Variants in MYO7A observed in about 807,000 individuals in gnomAD.
MYO7A encodes unconventional myosin-VIIa.
Under a neutral mutation model 263.8 loss-of-function variants are expected in MYO7A, and 210 were observed. That is an observed-to-expected ratio of 0.80 (90% CI 0.71 to 0.89). The LOEUF (loss-of-function observed/expected upper bound fraction) is 0.89. Among genes scored for constraint, MYO7A ranks in the 40% least tolerant of loss-of-function variants. MYO7A has a pLI of 0.00. For synonymous variants in MYO7A, 1,239 were observed against 1,197.3 expected, an observed-to-expected ratio of 1.03 and a Z score of -0.72; for missense variants, 2,820 against 2,968.3, an observed-to-expected ratio of 0.95 and a Z score of 1.16.
chr11:77,158,005 C>T (rs1952657976), intron 8 of MYO7A, among the ~76,000 whole-genome samples: 1 of 152,172 alleles, frequency 6.6e-6, no homozygotes, highest in Admixed American at 6.5e-5. Context: ...CAGGGGCTGG[C>T]CTGGCATCAG....
chr11:77,136,232 G>A (rs558728820), intron 2 of MYO7A, among the ~76,000 whole-genome samples: 17 of 151,978 alleles, frequency 1.1e-4, no homozygotes, highest in Non-Finnish European at 1.8e-4. Flanking sequence ...CCCTCTGGCC[G>A]CCGTGGTTTC....
chr11:77,197,675 C>T lies in MYO7A; in HGVS notation c.4441+77C>T, dbSNP rs557620157. On this transcript the variant is annotated intron_variant, in intron 33 of 48. Transcript: ENST00000409709. ...ACAGCCTACAAATTCTCAGGTACCC[C>T]GCAGCCTGCAATGCTCCCAGTCCCT... 6.4e-5 allele frequency: 63 copies of T among 985,514 alleles called. 1 individual carries two copies. The highest frequency in any genetic ancestry group is 9.4e-5 in the Non-Finnish European group (60 of 638,774). 61.0% of individuals were successfully genotyped at this position (985,514 alleles called of 1,614,324 possible). A position where few individuals can be genotyped will look rare whatever the true frequency, so the allele number is the denominator to read the frequency against.
intron 32 of MYO7A, among the ~76,000 whole-genome samples, chr11:77,196,379 A>C (rs912145979): frequency 6.6e-6 from 1 of 151,838 alleles, no homozygotes; most frequent in Non-Finnish European, 1.5e-5. Flanking sequence ...AAAAAAAAAA[A>C]AGGAGCTTAT....
intron 32 of MYO7A, 70 bp from the exon 33 acceptor site, chr11:77,197,411 C>T: frequency 1.6e-6 from 2 of 1,229,394 alleles, no homozygotes; most frequent in Admixed American, 2.1e-5. Context: ...TAGAAGGCAG[C>T]AGCAGCTGAT....
At chr11:77,148,217 C>T (rs753040220) in intron 4 of MYO7A, among the ~76,000 whole-genome samples, 11 of 152,234 alleles carry the variant, frequency 7.2e-5, no homozygotes, top group Non-Finnish European at 1.6e-4. Flanking sequence ...TTTCATGTGC[C>T]TCTCTAGGCC....
rs1339514621 is a variant in MYO7A at position 77,179,066 on chromosome 11, G to A, written c.2304G>A (p.Lys768=). 1.2e-6 allele frequency: 2 copies of A among 1,608,340 alleles called. No individual in the cohort carries two copies. The highest frequency in any genetic ancestry group is 1.7e-6 in the Non-Finnish European group (2 of 1,178,036). The change falls in exon 20 of 49, where the codon AAG becomes AAA. Residue 768 remains lysine, a synonymous_variant. Transcript: ENST00000409709. ...FKDRSNFLKL[K]NAATLIQRHW... is the part of the protein sequence containing the mutation. Reference sequence around the variant, plus strand: ...TCAGGTCTAACTTTCTGAAGCTGAAGAACGCTGCCACACTGATCCAGAGGC... The same window carrying A: ...TCAGGTCTAACTTTCTGAAGCTGAAAAACGCTGCCACACTGATCCAGAGGC...
At position 77,175,317 on chromosome 11, in the gene MYO7A, G is replaced by A; in HGVS notation, c.2095-55G>A. 3 of 1,531,598 alleles carry A rather than the reference G, an allele frequency of 2.0e-6. No individual in the cohort carries two copies. In the South Asian group the frequency reaches 3.4e-5, roughly 17 times the overall value. The allele number at this position is 1,531,598 out of a possible 1,614,324, so 94.9% of individuals were successfully genotyped here. A position where few individuals can be genotyped will look rare whatever the true frequency, so the allele number is the denominator to read the frequency against. On this transcript the variant is annotated intron_variant, in intron 17 of 48. Transcript: ENST00000409709. Reference sequence around the variant, plus strand: ...CTCTCAGCCTCGGGGACACTCCGGAGGCCTTCCCACTGGAGAGGCTGTCCA... The same window carrying A: ...CTCTCAGCCTCGGGGACACTCCGGAAGCCTTCCCACTGGAGAGGCTGTCCA...
intron 3 of MYO7A, 134 bp from the exon 4 acceptor site, chr11:77,147,664 G>T: frequency 8.8e-7 from 1 of 1,140,374 alleles, no homozygotes. Context: ...AACTGACAGT[G>T]TCTGGCTGCC....
intron 2 of MYO7A, among the ~76,000 whole-genome samples, chr11:77,141,634 G>A (rs1307507337): frequency 1.3e-5 from 2 of 152,118 alleles, no homozygotes; most frequent in Admixed American, 6.5e-5. Flanking sequence ...GCTCCCTCTC[G>A]CCCATCAGGT....
At chr11:77,149,298 G>A (rs1263844527) in intron 4 of MYO7A, among the ~76,000 whole-genome samples, 9 of 152,198 alleles carry the variant, frequency 5.9e-5, no homozygotes, top group African/African-American at 2.2e-4. Context: ...CTGGTACTAG[G>A]GGCATTACTG....
In MYO7A at chr11:77,208,509, T is replaced by C; in HGVS notation, c.5936T>C (p.Ile1979Thr). 1 of 1,612,880 alleles carries C rather than the reference T, an allele frequency of 6.2e-7. No homozygotes were observed. The highest frequency in any genetic ancestry group is 1.3e-5 in the African/African-American group (1 of 75,022). Residue 1979 changes from isoleucine (I) to threonine (T), a missense_variant, in exon 43 of 49, where the codon ATC (isoleucine) becomes ACC (threonine). Coordinates refer to ENST00000409709, the MANE Select transcript of MYO7A (RefSeq NM_000260.4). ...GACTGGATAAAGAAAGCTCGGCCCATCAAGGACGGTAATGAGGCCGGGTCC... is the reference window on the plus strand; with the variant it reads ...GACTGGATAAAGAAAGCTCGGCCCACCAAGGACGGTAATGAGGCCGGGTCC... The part of the protein sequence containing the change: ...LTDWIKKARP[I>T]KDGIVPSLTY...
At position 77,174,873 on chromosome 11, in the gene MYO7A, T is replaced by G; in HGVS notation, c.2053T>G (p.Tyr685Asp). Residue 685 changes from tyrosine to aspartate, a missense_variant, in exon 17 of 49, where the codon TAC becomes GAC. Tyr to Asp is a radical substitution (Grantham distance 160). Coordinates refer to ENST00000409709, the MANE Select transcript of MYO7A (RefSeq NM_000260.4). Reference sequence around the variant, plus strand: ...CAGCTTCGTAGAGTTTGTGGAGCGGTACCGTGTGCTGCTGCCAGGTGTGAA... The same window carrying G: ...CAGCTTCGTAGAGTTTGTGGAGCGGGACCGTGTGCTGCTGCCAGGTGTGAA... ...RYSFVEFVER[Y>D]RVLLPGVKPA... 1 of 1,613,686 alleles carries G rather than the reference T, an allele frequency of 6.2e-7. No individual in the cohort carries two copies. Among genetic ancestry groups the G allele is most frequent in the East Asian group, 2.2e-5 (1 of 44,880 alleles).
chr11:77,151,385 G>T (rs925643682), intron 4 of MYO7A, among the ~76,000 whole-genome samples: 1 of 152,206 alleles, frequency 6.6e-6, no homozygotes, highest in Non-Finnish European at 1.5e-5. Flanking sequence ...CATGGAGTGG[G>T]CACCTTTGTG....
chr11:77,214,843 G>T lies in MYO7A; in HGVS notation c.*147G>T. On this transcript the variant is annotated 3_prime_UTR_variant, in exon 49 of 49. Transcript: ENST00000409709. ...AGCCACCACTGACTATACCAACTGGGCCTCTGATGTTCTTCCAGTGAGGCA... is the reference window on the plus strand; with the variant it reads ...AGCCACCACTGACTATACCAACTGGTCCTCTGATGTTCTTCCAGTGAGGCA... 1.6e-6 allele frequency: 1 copy of T among 623,594 alleles called. No homozygotes were observed. Among genetic ancestry groups the T allele is most frequent in the Admixed American group, 2.9e-5 (1 of 34,710 alleles). The allele number at this position is 623,594 out of a possible 1,614,324, so 38.6% of individuals were successfully genotyped here.
At chr11:77,176,443 A>G (rs996425653) in intron 18 of MYO7A, among the ~76,000 whole-genome samples, 3 of 152,126 alleles carry the variant, frequency 2.0e-5, no homozygotes, top group African/African-American at 7.2e-5. Flanking sequence ...GAAATATTAT[A>G]CCCATTTCAC....
At chr11:77,159,762 G>A (rs1029735339) in intron 10 of MYO7A, among the ~76,000 whole-genome samples, 1 of 152,218 alleles carries the variant, frequency 6.6e-6, no homozygotes, top group Non-Finnish European at 1.5e-5. Context: ...ATGTGACCCT[G>A]GGTGAGTCAT....
At chr11:77,135,169 A>G (rs1950875011) in intron 2 of MYO7A, among the ~76,000 whole-genome samples, 1 of 152,222 alleles carries the variant, frequency 6.6e-6, no homozygotes, top group African/African-American at 2.4e-5. Context: ...AATTTCTGCA[A>G]TTCTTTTCAT....
intron 18 of MYO7A, among the ~76,000 whole-genome samples, chr11:77,175,995 TCA>T (rs1390954470): frequency 6.6e-6 from 1 of 152,142 alleles, no homozygotes; most frequent in Non-Finnish European, 1.5e-5. Context: ...AGTCGCGGAG[TCA>T]CAGCCTTGGA....
chr11:77,193,102 T>TGATGCTGTTGGTGATGGTGGAGGTAGC (rs1565443863), intron 31 of MYO7A, among the ~76,000 whole-genome samples: 1 of 103,462 alleles, frequency 9.7e-6, no homozygotes, highest in Non-Finnish European at 1.9e-5. Context: ...GTGGAGGTAG[T>TGATGCTGTTGGTGATGGTGGAGGTAGC]GATGCTGTTG....
Sources: allele counts gnomAD v4.1 joint callset (sites outside exome capture counted in the v4.1 genomes callset), GRCh38; gene constraint gnomAD v4.1.1; transcripts MANE v1.5; gene names NCBI Gene and HGNC (gene_info 2026-07-23, HGNC 2026-07-21).